Variants in C4orf50 observed in about 807,000 individuals in gnomAD.
C4orf50 encodes uncharacterized protein C4orf50.
Under a neutral mutation model 77.2 loss-of-function variants are expected in C4orf50, and 80 were observed. That is an observed-to-expected ratio of 1.04 (90% CI 0.87 to 1.25). The LOEUF (loss-of-function observed/expected upper bound fraction) is 1.25. C4orf50 is among the 50% of genes most tolerant of loss of function. The pLI, the probability that C4orf50 is intolerant of heterozygous loss-of-function variation, is 0.00. For missense variants in C4orf50, 1,257 were observed against 1,152.9 expected, an observed-to-expected ratio of 1.09 and a Z score of -1.31; for synonymous variants, 532 against 465.3, an observed-to-expected ratio of 1.14 and a Z score of -1.84.
At chr4:5,980,658 G>T (rs572258614) in intron 28 of C4orf50, among the ~76,000 whole-genome samples, 2 of 152,210 alleles carry the variant, frequency 1.3e-5, no homozygotes, top group East Asian at 3.9e-4. Context: ...GAGAGTCCCA[G>T]AATAACAGCC....
intron 7 of C4orf50, among the ~76,000 whole-genome samples, chr4:5,944,244 C>T (rs1379766688): frequency 6.6e-6 from 1 of 152,202 alleles, no homozygotes; most frequent in Non-Finnish European, 1.5e-5. Flanking sequence ...CTTCTCCTGG[C>T]TTTCCCTGGG....
chr4:5,932,536 A>G lies in C4orf50; in HGVS notation c.*2474+24365T>C, dbSNP rs187325418. 2.0e-5 allele frequency among the ~76,000 whole-genome samples: 3 copies of G among 152,310 alleles called. No individual in the cohort carries two copies. Among genetic ancestry groups the G allele is most frequent in the African/African-American group, 7.2e-5 (3 of 41,572 alleles). ...CTGCAGCCTCGACCTCCCAGGCTCA[A>G]TTGATCCTCCCGCCTCAGCCTCCTG... On this transcript the variant is annotated intron_variant, in intron 7 of 7. Coordinates refer to the C4orf50 transcript ENST00000324058. This position sits in a 1 kb window ranked among gnomAD's most constrained non-coding sequence, Gnocchi z 4.2.
chr4:5,999,049 C>T (rs146939103), intron 25 of C4orf50, among the ~76,000 whole-genome samples: 13 of 152,308 alleles, frequency 8.5e-5, no homozygotes, highest in Middle Eastern at 3.4e-3. Flanking sequence ...AGGCAAGTTA[C>T]GGGAATCCTC....
chr4:5,931,277 G>A lies in C4orf50; in HGVS notation c.*2474+25624C>T, dbSNP rs530281331. Among the ~76,000 whole-genome samples the A allele has an allele frequency of 2.6e-5, 4 of 152,284 alleles. No individual in the cohort carries two copies. The South Asian group carries it at 6.2e-4, about 24-fold the overall frequency. On this transcript the variant is annotated intron_variant, in intron 7 of 7. Coordinates refer to the C4orf50 transcript ENST00000324058. ...GGCAAAGGAAAGAGAACCAAGAGGC[G>A]GCCCCCAAACACTGATGCACAGTGC...
chr4:6,004,369 G>A (rs1340043031), intron 25 of C4orf50, among the ~76,000 whole-genome samples: 6 of 120,892 alleles, frequency 5.0e-5, no homozygotes, highest in African/African-American at 1.8e-4. Flanking sequence ...GGTGATGATG[G>A]TGATGGTGAT....
chr4:6,005,427 T>C (rs183987595), intron 25 of C4orf50, among the ~76,000 whole-genome samples: 18 of 151,696 alleles, frequency 1.2e-4, no homozygotes, highest in Non-Finnish European at 2.4e-4. Context: ...CAGACACACA[T>C]TGACAAGGAG....
Position 5,958,012 on chromosome 4 carries a change from T to C in C4orf50, c.*1363A>G, listed in dbSNP as rs562288341. The C allele has an allele frequency of 3.3e-5, 5 of 152,322 alleles. No individual in the cohort carries two copies. The highest frequency in any genetic ancestry group is 1.9e-4 in the East Asian group (1 of 5,180). The allele number at this position is 152,322 out of a possible 1,614,324, so 9.4% of individuals were successfully genotyped here. On this transcript the variant is annotated 3_prime_UTR_variant, in exon 34 of 34. Coordinates refer to ENST00000531445, the Ensembl canonical transcript of C4orf50. The surrounding 1 kb of genome is among the most constrained non-coding windows in gnomAD (Gnocchi z 5.4). ...CACTTTGACACTTCCTGGGGAGCCGTCAGTTCCTTGTCCTTGTCCTTGTTT... is the reference window on the plus strand; with the variant it reads ...CACTTTGACACTTCCTGGGGAGCCGCCAGTTCCTTGTCCTTGTCCTTGTTT...
intron 7 of C4orf50, among the ~76,000 whole-genome samples, chr4:5,924,272 C>T (rs1401705538): frequency 6.6e-6 from 1 of 152,158 alleles, no homozygotes; most frequent in East Asian, 1.9e-4. Context: ...CTTTAGAGAA[C>T]CCTGACTAAT....
chr4:6,009,373 G>A lies in C4orf50; in HGVS notation c.427-841C>T, dbSNP rs1007310280. Among the ~76,000 whole-genome samples, 3 of 152,276 alleles carry A rather than the reference G, an allele frequency of 2.0e-5. No individual in the cohort carries two copies. The highest frequency in any genetic ancestry group is 7.2e-5 in the African/African-American group (3 of 41,548). On this transcript the variant is annotated intron_variant, in intron 24 of 33. Transcript: ENST00000531445. The surrounding 1 kb of genome is among the most constrained non-coding windows in gnomAD (Gnocchi z 5.6). ...TGTCACCTGCCGCTGCTCTTCTGCC[G>A]GGGAGCTTCCGGAAAACAAAAACAA...
At chr4:5,969,408 G>A (rs769553492) in intron 31 of C4orf50, among the ~76,000 whole-genome samples, 6 of 150,124 alleles carry the variant, frequency 4.0e-5, no homozygotes, top group Admixed American at 1.3e-4. Context: ...CCAAAAGCCC[G>A]CAACTAGATC....
At chr4:5,985,457 G>A (rs1313302478) in intron 28 of C4orf50, among the ~76,000 whole-genome samples, 4 of 151,408 alleles carry the variant, frequency 2.6e-5, no homozygotes, top group Non-Finnish European at 4.4e-5. Context: ...ATATTAATTG[G>A]GACATGGTAA....
chr4:5,966,493 A>T (rs1719574140), intron 32 of C4orf50, among the ~76,000 whole-genome samples: 3 of 151,808 alleles, frequency 2.0e-5, no homozygotes, highest in Non-Finnish European at 2.9e-5. Flanking sequence ...ATAAATAAAT[A>T]ATAAAAATAG....
chr4:5,979,027 G>A (rs1230793015), intron 29 of C4orf50, among the ~76,000 whole-genome samples: 1 of 152,194 alleles, frequency 6.6e-6, no homozygotes, highest in Non-Finnish European at 1.5e-5. Flanking sequence ...CCATTGACTT[G>A]TCCAACAATT....
In C4orf50 at chr4:6,007,970, T is replaced by G. The variant is rs916289652; in HGVS notation, c.963+26A>C. ...GAGAAGGAGAAAGGCAAAAGATCATTCCTACCCTGAGTTCCCGCCACTTAC... is the reference window on the plus strand; with the variant it reads ...GAGAAGGAGAAAGGCAAAAGATCATGCCTACCCTGAGTTCCCGCCACTTAC... On this transcript the variant is annotated intron_variant, in intron 25 of 33. Transcript: ENST00000531445. This position sits in a 1 kb window ranked among gnomAD's most constrained non-coding sequence, Gnocchi z 4.1. 1.0e-5 allele frequency: 4 copies of G among 398,938 alleles called. No homozygotes were observed. The highest frequency in any genetic ancestry group is 1.8e-5 in the Non-Finnish European group (4 of 226,134). The allele number at this position is 398,938 out of a possible 1,614,324, so 24.7% of individuals were successfully genotyped here. A position where few individuals can be genotyped will look rare whatever the true frequency, so the allele number is the denominator to read the frequency against.
intron 7 of C4orf50, among the ~76,000 whole-genome samples, chr4:5,910,295 G>A (rs1156234910): frequency 6.6e-6 from 1 of 152,190 alleles, no homozygotes; most frequent in African/African-American, 2.4e-5. Flanking sequence ...GATTTTTACG[G>A]AATGCAACCT....
downstream of C4orf50, among the ~76,000 whole-genome samples, chr4:5,952,364 T>C (rs974156157): frequency 6.6e-6 from 1 of 152,226 alleles, no homozygotes; most frequent in Non-Finnish European, 1.5e-5. The surrounding 1 kb of genome is among the most constrained non-coding windows in gnomAD (Gnocchi z 4.4). Flanking sequence ...AGAAAGCCAA[T>C]GAGAAGCCAG....
intron 7 of C4orf50, among the ~76,000 whole-genome samples, chr4:5,929,762 CAT>C (rs1717682647): frequency 6.6e-6 from 1 of 152,214 alleles, no homozygotes; most frequent in East Asian, 1.9e-4. Context: ...TGTGCACCAC[CAT>C]ATAAATAGGA....
rs1020251993 is a variant in C4orf50 at position 6,011,669 on chromosome 4, G to A, written c.426+161C>T. 5.9e-5 allele frequency among the ~76,000 whole-genome samples: 9 copies of A among 152,124 alleles called. No individual in the cohort carries two copies. Among genetic ancestry groups the A allele is most frequent in the African/African-American group, 1.9e-4 (8 of 41,488 alleles). ...CACATCCCTGCATGCCCCAGGCCCC[G>A]CAGTCACGCCATGCACCATGAACGT... is the stretch of plus-strand genomic sequence containing the variant. On this transcript the variant is annotated intron_variant, in intron 24 of 33. Transcript: ENST00000531445. This position sits in a 1 kb window ranked among gnomAD's most constrained non-coding sequence, Gnocchi z 4.2.
At chr4:5,976,658 T>A (rs1490769209) in intron 29 of C4orf50, among the ~76,000 whole-genome samples, 3 of 152,142 alleles carry the variant, frequency 2.0e-5, no homozygotes, top group Non-Finnish European at 4.4e-5. Flanking sequence ...TGCAAGACAC[T>A]CTCTGCCTCA....
Sources: allele counts gnomAD v4.1 joint callset (sites outside exome capture counted in the v4.1 genomes callset), GRCh38; gene constraint gnomAD v4.1.1; non-coding constraint Gnocchi (gnomAD v3.1); transcripts MANE v1.5; gene names NCBI Gene and HGNC (gene_info 2026-07-23, HGNC 2026-07-21).